Variants in OR9Q1 observed in about 807,000 individuals in gnomAD.
The protein encoded by OR9Q1 is olfactory receptor family 9 subfamily Q member 1, also known as olfactory receptor 9Q1.
For missense variants in OR9Q1, 374 were observed against 378.8 expected, an observed-to-expected ratio of 0.99 and a Z score of 0.11; for synonymous variants, 153 against 148.6, an observed-to-expected ratio of 1.03 and a Z score of -0.22.
At chr11:58,149,609 C>T (rs1854330469) in intron 2 of OR9Q1, among the ~76,000 whole-genome samples, 2 of 152,272 alleles carry the variant, frequency 1.3e-5, no homozygotes, top group African/African-American at 4.8e-5. Flanking sequence ...TACCCATTAA[C>T]TCCCCATTTC....
chr11:58,142,461 C>T (rs1037142927), intron 2 of OR9Q1, among the ~76,000 whole-genome samples: 4 of 151,980 alleles, frequency 2.6e-5, no homozygotes, highest in Non-Finnish European at 5.9e-5. Flanking sequence ...TAAGATTTGG[C>T]CTTAAGTATA....
At chr11:58,087,137 T>G in intron 2 of OR9Q1, among the ~76,000 whole-genome samples, 1 of 151,836 alleles carries the variant, frequency 6.6e-6, no homozygotes, top group Non-Finnish European at 1.5e-5. Flanking sequence ...TTATTGTTAA[T>G]CAATTGAAAA....
intron 2 of OR9Q1, among the ~76,000 whole-genome samples, chr11:58,130,460 A>AT (rs1854131010): frequency 6.6e-6 from 1 of 152,148 alleles, no homozygotes; most frequent in Admixed American, 6.5e-5. Context: ...TCTTGAAGTC[A>AT]GTTGGCTAAT....
intron 2 of OR9Q1, among the ~76,000 whole-genome samples, chr11:58,135,095 G>A (rs1854177634): frequency 6.6e-6 from 1 of 152,102 alleles, no homozygotes; most frequent in Admixed American, 6.6e-5. Context: ...GAAAGAATTG[G>A]AATCCAGGGA....
At chr11:58,037,885 A>AT (rs1340580020) in intron 1 of OR9Q1, among the ~76,000 whole-genome samples, 20 of 126,158 alleles carry the variant, frequency 1.6e-4, no homozygotes, top group African/African-American at 5.8e-4. Context: ...CGCCTGGCTA[A>AT]TTTTTTTTGT....
chr11:58,130,744 T>C (rs960641875), intron 2 of OR9Q1, among the ~76,000 whole-genome samples: 3 of 151,614 alleles, frequency 2.0e-5, no homozygotes, highest in Non-Finnish European at 4.4e-5. Flanking sequence ...ACCCAGGAGG[T>C]TGCAGTGAAC....
chr11:58,053,342 G>T (rs1006485645), intron 1 of OR9Q1, among the ~76,000 whole-genome samples: 3 of 149,170 alleles, frequency 2.0e-5, no homozygotes, highest in African/African-American at 4.9e-5. Flanking sequence ...GTAAACTATC[G>T]CAAGGACAAA....
chr11:58,134,336 C>T (rs904740066), intron 2 of OR9Q1, among the ~76,000 whole-genome samples: 15 of 152,332 alleles, frequency 9.8e-5, no homozygotes, highest in South Asian at 2.1e-4. Context: ...GCAGAGACAG[C>T]GCCTCACCAG....
At chr11:58,072,310 A>C (rs1853495674) in intron 2 of OR9Q1, 1 of 152,444 alleles carries the variant, frequency 6.6e-6, no homozygotes, top group Non-Finnish European at 1.5e-5. Context: ...TTTTGGATAC[A>C]TGAAATTCAC....
At chr11:58,118,567 C>T in intron 2 of OR9Q1, 1 of 1,613,870 alleles carries the variant, frequency 6.2e-7, no homozygotes, top group South Asian at 1.1e-5. Flanking sequence ...ATCTTTGTTT[C>T]TTAAGCTGTA....
At chr11:58,042,363 TG>T (rs770228475) in intron 1 of OR9Q1, among the ~76,000 whole-genome samples, 74 of 152,216 alleles carry the variant, frequency 4.9e-4, no homozygotes, top group Non-Finnish European at 8.5e-4. Flanking sequence ...TTTCTACATA[TG>T]GCTAGCCAGT....
chr11:58,029,609 C>T (rs1053764675), intron 1 of OR9Q1, among the ~76,000 whole-genome samples: 2 of 151,998 alleles, frequency 1.3e-5, no homozygotes, highest in Non-Finnish European at 2.9e-5. Flanking sequence ...CTTTGGAACT[C>T]TTGTATTATC....
At chr11:58,108,812 T>C (rs778614826) in intron 2 of OR9Q1, 3 of 315,454 alleles carry the variant, frequency 9.5e-6, no homozygotes, top group Non-Finnish European at 1.9e-5. Flanking sequence ...GGGTTCAACA[T>C]AGGGATGATT....
intron 1 of OR9Q1, among the ~76,000 whole-genome samples, chr11:58,043,138 G>A (rs935313455): frequency 3.9e-5 from 6 of 152,176 alleles, no homozygotes; most frequent in Non-Finnish European, 7.4e-5. Flanking sequence ...TATTTGTAGG[G>A]TCCTAGATAC....
intron 2 of OR9Q1, among the ~76,000 whole-genome samples, chr11:58,152,720 T>G (rs995003893): frequency 2.0e-5 from 3 of 152,216 alleles, no homozygotes; most frequent in Non-Finnish European, 4.4e-5. Flanking sequence ...GTAGTTAGAT[T>G]TATTCATTTT....
intron 2 of OR9Q1, among the ~76,000 whole-genome samples, chr11:58,102,453 C>G (rs1242814485): frequency 6.6e-6 from 1 of 152,054 alleles, no homozygotes; most frequent in African/African-American, 2.4e-5. Context: ...GTAAGGCCAG[C>G]CTGGTGTTGA....
intron 2 of OR9Q1, among the ~76,000 whole-genome samples, chr11:58,081,399 T>A (rs1167337856): frequency 1.3e-5 from 2 of 152,186 alleles, no homozygotes; most frequent in African/African-American, 4.8e-5. Context: ...CCACACTGTC[T>A]TCCACAGTGA....
intron 2 of OR9Q1, among the ~76,000 whole-genome samples, chr11:58,131,270 G>A (rs927896013): frequency 1.2e-4 from 18 of 152,176 alleles, no homozygotes; most frequent in East Asian, 1.9e-4. Context: ...GGAAACCACC[G>A]TAAAGGACTG....
chr11:58,116,747 G>A (rs1021068178), intron 2 of OR9Q1: 13 of 152,196 alleles, frequency 8.5e-5, no homozygotes, highest in African/African-American at 2.9e-4. Flanking sequence ...ACATGGGTCA[G>A]GTGCTTATTT....
Sources: gnomAD v4.1 joint callset for allele counts (sites outside exome capture counted in the v4.1 genomes callset) on GRCh38, gnomAD v4.1.1 for gene constraint, MANE v1.5 for transcripts, NCBI Gene and HGNC (gene_info 2026-07-23, HGNC 2026-07-21) for gene names.